Variants in DCX observed in about 807,000 individuals in gnomAD.
The protein encoded by DCX is neuronal migration protein doublecortin.
Under a neutral mutation model 20.9 loss-of-function variants are expected in DCX, and 4 were observed. That is an observed-to-expected ratio of 0.19 (90% confidence interval 0.09 to 0.44). The LOEUF is 0.44. Ranked by LOEUF, DCX falls within the 20% of genes least tolerant of loss-of-function variation. The pLI, the probability that DCX is intolerant of heterozygous loss-of-function variation, is 0.99. For missense variants in DCX, 133 were observed against 296.9 expected, an observed-to-expected ratio of 0.45 and a Z score of 4.06; for synonymous variants, 103 against 111.4, an observed-to-expected ratio of 0.92 and a Z score of 0.47.
At chrX:111,351,634 A>C (rs977163876) in intron 3 of DCX, among the ~76,000 whole-genome samples, 8 of 112,217 alleles carry the variant, frequency 7.1e-5, no homozygotes, top group African/African-American at 2.6e-4. Context: ...ACTAGGTATG[A>C]AAAAGCATTT....
chrX:111,323,871 C>T (rs771233674), intron 5 of DCX, among the ~76,000 whole-genome samples: 3 of 110,375 alleles, frequency 2.7e-5, no homozygotes, highest in Non-Finnish European at 3.8e-5. Context: ...AAGGAGTCTG[C>T]GAAATAATCG....
At chrX:111,380,069 A>G (rs1185907520) in intron 3 of DCX, among the ~76,000 whole-genome samples, 2 of 111,573 alleles carry the variant, frequency 1.8e-5, no homozygotes, top group Non-Finnish European at 3.8e-5. Context: ...CTGTGTATAT[A>G]TTCTAGGTAC....
chrX:111,336,344 T>C (rs767682649), intron 3 of DCX, among the ~76,000 whole-genome samples: 3 of 112,593 alleles, frequency 2.7e-5, no homozygotes, highest in Admixed American at 9.4e-5. Context: ...AAGTCCCCTG[T>C]GCTTCTGACA....
chrX:111,370,557 G>C (rs1200872439), intron 3 of DCX, among the ~76,000 whole-genome samples: 1 of 111,463 alleles, frequency 9.0e-6, no homozygotes, highest in African/African-American at 3.3e-5. Flanking sequence ...CTTGGAGTAG[G>C]GGGTCAGTGG....
chrX:111,401,936 G>A (rs1344003375), intron 2 of DCX, among the ~76,000 whole-genome samples: 1 of 112,385 alleles, frequency 8.9e-6, no homozygotes, highest in Non-Finnish European at 1.9e-5. Flanking sequence ...AAATGTGTGT[G>A]CATATGTTGA....
intron 5 of DCX, among the ~76,000 whole-genome samples, chrX:111,319,648 C>G (rs1014034576): frequency 1.5e-4 from 17 of 112,147 alleles, no homozygotes; most frequent in Non-Finnish European, 3.8e-5. Context: ...AATGGACCAC[C>G]TACAGTGCCT....
chrX:111,305,295 G>A (rs1032406955), intron 6 of DCX, among the ~76,000 whole-genome samples: 1 of 111,590 alleles, frequency 9.0e-6, no homozygotes, highest in Non-Finnish European at 1.9e-5. Flanking sequence ...ATTTATTTTT[G>A]TAACTCTTTT....
chrX:111,359,452 A>AT (rs1272624294), intron 3 of DCX, among the ~76,000 whole-genome samples: 2 of 111,951 alleles, frequency 1.8e-5, no homozygotes, highest in African/African-American at 3.2e-5. Context: ...ATATAGATGA[A>AT]TTTTTTTATC....
At chrX:111,396,263 A>G (rs1569496855) in intron 3 of DCX, among the ~76,000 whole-genome samples, 1 of 112,314 alleles carries the variant, frequency 8.9e-6, no homozygotes, top group Non-Finnish European at 1.9e-5. Flanking sequence ...CTGTAATCCC[A>G]GATCCAAGTA....
At chrX:111,312,539 G>T in intron 6 of DCX, 100 bp downstream of exon 6, 1 of 836,860 alleles carries the variant, frequency 1.2e-6, no homozygotes, top group Non-Finnish European at 1.8e-6. Context: ...GAAAATTTCT[G>T]GCCTTAATGT....
chrX:111,333,239 C>A, intron 3 of DCX, 86 bp from the exon 4 acceptor site: 1 of 688,683 alleles, frequency 1.5e-6, no homozygotes, highest in South Asian at 2.3e-5. Flanking sequence ...AAAAGCTTCC[C>A]ATCTAGGCCA....
chrX:111,321,152 T>C (rs2095085598), intron 5 of DCX, among the ~76,000 whole-genome samples: 1 of 111,780 alleles, frequency 8.9e-6, no homozygotes, highest in Non-Finnish European at 1.9e-5. Context: ...ATTTAGAAAG[T>C]GGTTAGCAAG....
At chrX:111,329,831 T>C (rs1186131050) in intron 5 of DCX, among the ~76,000 whole-genome samples, 2 of 112,300 alleles carry the variant, frequency 1.8e-5, no homozygotes, top group African/African-American at 6.5e-5. Flanking sequence ...ATCAGGCTAC[T>C]CATGATGCCC....
chrX:111,336,070 C>G (rs1440010655), intron 3 of DCX, among the ~76,000 whole-genome samples: 1 of 112,338 alleles, frequency 8.9e-6, no homozygotes, highest in Non-Finnish European at 1.9e-5. Context: ...AAACAGCAAC[C>G]TTCCCTGCAA....
chrX:111,380,671 A>T (rs1925897339), intron 3 of DCX, among the ~76,000 whole-genome samples: 1 of 109,972 alleles, frequency 9.1e-6, no homozygotes, highest in South Asian at 3.9e-4. Flanking sequence ...GAATTTTAGG[A>T]TTAGTTTATC....
At chrX:111,368,899 CAT>C (rs1445235198) in intron 3 of DCX, among the ~76,000 whole-genome samples, 1 of 93,140 alleles carries the variant, frequency 1.1e-5, no homozygotes, top group East Asian at 3.0e-4. Context: ...TATATATATA[CAT>C]ACACACACAC....
At chrX:111,392,728 T>C (rs981529536) in intron 3 of DCX, among the ~76,000 whole-genome samples, 18 of 112,022 alleles carry the variant, frequency 1.6e-4, no homozygotes, top group African/African-American at 5.2e-4. Context: ...TCTGTGAGCA[T>C]ATTAAAATCA....
At chrX:111,320,570 GTCTC>G (rs1349318989) in intron 5 of DCX, among the ~76,000 whole-genome samples, 2 of 110,963 alleles carry the variant, frequency 1.8e-5, no homozygotes, top group East Asian at 5.7e-4. Context: ...TCCTTAACTT[GTCTC>G]TCTTTCTCAT....
chrX:111,316,292 C>T (rs1004163009), intron 5 of DCX, among the ~76,000 whole-genome samples: 5 of 110,188 alleles, frequency 4.5e-5, no homozygotes, highest in African/African-American at 1.3e-4. Context: ...AGTGCAGTGG[C>T]GCAATCTCGG....
Sources: allele counts gnomAD v4.1 joint callset (sites outside exome capture counted in the v4.1 genomes callset), GRCh38; gene constraint gnomAD v4.1.1; transcripts MANE v1.5; gene names NCBI Gene and HGNC (gene_info 2026-07-23, HGNC 2026-07-21).